The following CERS6 variants were observed in gnomAD, a reference collection of about 807,000 sequenced individuals.
The protein encoded by CERS6 is ceramide synthase 6, also known as LAG1 homolog, ceramide synthase 6.
In CERS6, 26 loss-of-function variants were observed where a neutral mutation model predicts 56.8. That is an observed-to-expected ratio of 0.46 (90% CI 0.34 to 0.63). CERS6 has a LOEUF of 0.63. Among genes scored for constraint, CERS6 ranks in the 30% least tolerant of loss-of-function variants. The pLI is 0.01. For synonymous variants in CERS6, 164 were observed against 173.3 expected, an observed-to-expected ratio of 0.95 and a Z score of 0.42; for missense variants, 415 against 467.5, an observed-to-expected ratio of 0.89 and a Z score of 1.04.
chr2:168,492,721 T>C (rs2105339724), intron 1 of CERS6, among the ~76,000 whole-genome samples: 2 of 152,320 alleles, frequency 1.3e-5, no homozygotes, highest in South Asian at 4.1e-4. Context: ...TTGCTTAGGC[T>C]TTCTTCTAAG....
At chr2:168,496,762 G>C (rs1392132710) in intron 1 of CERS6, among the ~76,000 whole-genome samples, 1 of 152,112 alleles carries the variant, frequency 6.6e-6, no homozygotes, top group Non-Finnish European at 1.5e-5. Context: ...GGAATCTCTA[G>C]CATGATCAGT....
intron 8 of CERS6, among the ~76,000 whole-genome samples, chr2:168,746,603 G>A (rs1220874330): frequency 2.0e-5 from 3 of 151,282 alleles, no homozygotes; most frequent in African/African-American, 7.3e-5. Context: ...CTTACACATA[G>A]GAATGTTAAC....
chr2:168,712,559 G>A lies in CERS6; in HGVS notation c.610-2442G>A, dbSNP rs774943054. Among the ~76,000 whole-genome samples the A allele has an allele frequency of 4.6e-5, 7 of 152,196 alleles. No individual in the cohort carries two copies. The South Asian group carries it at 8.3e-4, about 18-fold the overall frequency. On this transcript the variant is annotated intron_variant, in intron 6 of 9. Coordinates refer to ENST00000305747, the MANE Select transcript of CERS6 (RefSeq NM_203463.3). ...ATTTATATCTGAATACAAATGCTAC[G>A]TAGAACAGTTACATATCAGGGATTA... is the stretch of plus-strand genomic sequence containing the variant.
chr2:168,497,558 G>A (rs1009714924), intron 1 of CERS6, among the ~76,000 whole-genome samples: 2 of 152,134 alleles, frequency 1.3e-5, no homozygotes, highest in African/African-American at 4.8e-5. Flanking sequence ...AGGAGGTGAG[G>A]GAGCCAACAG....
Position 168,708,041 on chromosome 2 carries a change from G to T in CERS6, c.610-6960G>T, listed in dbSNP as rs573373677. ...TTAAGATTGTTAGTATACCATTTGG[G>T]GGTTTTGGTTTTCTTTGTTTAAGAG... On this transcript the variant is annotated intron_variant, in intron 6 of 9. Transcript: ENST00000305747. 2.0e-5 allele frequency among the ~76,000 whole-genome samples: 3 copies of T among 152,160 alleles called. No homozygotes were observed. The East Asian group carries it at 5.8e-4, about 29-fold the overall frequency.
chr2:168,496,908 C>T (rs1409381612), intron 1 of CERS6, among the ~76,000 whole-genome samples: 2 of 152,182 alleles, frequency 1.3e-5, no homozygotes, highest in African/African-American at 4.8e-5. Context: ...TGACAATTTG[C>T]AGCCATCACT....
At chr2:168,673,110 A>G (rs185529547) in intron 4 of CERS6, among the ~76,000 whole-genome samples, 56 of 152,348 alleles carry the variant, frequency 3.7e-4, no homozygotes, top group Admixed American at 2.5e-3. Context: ...GAAAGTAGCT[A>G]TGAAGAGGGT....
chr2:168,599,349 A>T (rs1574091111), intron 3 of CERS6, among the ~76,000 whole-genome samples: 1 of 152,266 alleles, frequency 6.6e-6, no homozygotes, highest in African/African-American at 2.4e-5. Flanking sequence ...TATCCTAGAA[A>T]TGCTTCCCAT....
At chr2:168,682,530 G>A (rs1686245295) in intron 4 of CERS6, among the ~76,000 whole-genome samples, 1 of 152,140 alleles carries the variant, frequency 6.6e-6, no homozygotes, top group African/African-American at 2.4e-5. Flanking sequence ...TAGCATAGCG[G>A]TAGTGAGCAG....
At chr2:168,723,794 A>C (rs1458577916) in intron 8 of CERS6, among the ~76,000 whole-genome samples, 1 of 152,248 alleles carries the variant, frequency 6.6e-6, no homozygotes, top group Non-Finnish European at 1.5e-5. Flanking sequence ...ACTTCATAAT[A>C]TGACCATCCT....
intron 1 of CERS6, among the ~76,000 whole-genome samples, chr2:168,471,920 T>A (rs1361194772): frequency 1.3e-5 from 2 of 152,210 alleles, no homozygotes; most frequent in South Asian, 4.1e-4. Flanking sequence ...CAGGTAAAGT[T>A]GAACATAGTC....
chr2:168,591,091 A>G (rs996659767), intron 3 of CERS6, among the ~76,000 whole-genome samples: 2 of 152,234 alleles, frequency 1.3e-5, no homozygotes, highest in Admixed American at 6.5e-5. Context: ...ACTAGTCTTA[A>G]TATGTCTTTT....
chr2:168,765,530 A>C, intron 8 of CERS6, 62 bp from the exon 9 acceptor site: 1 of 1,561,912 alleles, frequency 6.4e-7, no homozygotes, highest in Non-Finnish European at 8.7e-7. Flanking sequence ...TGCAGTGACT[A>C]GAGTTCCTTG....
intron 8 of CERS6, among the ~76,000 whole-genome samples, chr2:168,725,873 C>T (rs1339986641): frequency 6.6e-6 from 1 of 152,218 alleles, no homozygotes; most frequent in East Asian, 1.9e-4. Flanking sequence ...GTAGCCTTGA[C>T]TTTGTAGTCA....
intron 1 of CERS6, among the ~76,000 whole-genome samples, chr2:168,540,686 A>G (rs1695351740): frequency 6.6e-6 from 1 of 152,228 alleles, no homozygotes; most frequent in Admixed American, 6.5e-5. Flanking sequence ...TAAAGATGTT[A>G]TTGCACTGTC....
intron 4 of CERS6, among the ~76,000 whole-genome samples, chr2:168,669,879 C>T (rs1475449028): frequency 6.6e-6 from 1 of 152,176 alleles, no homozygotes; most frequent in Non-Finnish European, 1.5e-5. Flanking sequence ...AGATTTTCTT[C>T]AAAGACCAGA....
chr2:168,712,505 T>C (rs1401340966), intron 6 of CERS6, among the ~76,000 whole-genome samples: 1 of 152,196 alleles, frequency 6.6e-6, no homozygotes, highest in Non-Finnish European at 1.5e-5. Flanking sequence ...ACCCCAGAAA[T>C]AATTTTATTC....
At chr2:168,509,498 G>A (rs573328342) in intron 1 of CERS6, among the ~76,000 whole-genome samples, 35 of 152,220 alleles carry the variant, frequency 2.3e-4, no homozygotes, top group African/African-American at 8.2e-4. Context: ...GATAGCGGTG[G>A]CCAGACCTGC....
chr2:168,679,249 C>G (rs1387813113), intron 4 of CERS6, among the ~76,000 whole-genome samples: 4 of 152,102 alleles, frequency 2.6e-5, no homozygotes, highest in Non-Finnish European at 5.9e-5. Flanking sequence ...TTCTGGGGCT[C>G]TATTGCAAAA....
Sources: allele counts gnomAD v4.1 joint callset (sites outside exome capture counted in the v4.1 genomes callset), GRCh38; gene constraint gnomAD v4.1.1; transcripts MANE v1.5; gene names NCBI Gene and HGNC (gene_info 2026-07-23, HGNC 2026-07-21).